Variants in TMEM131 observed in about 807,000 individuals in gnomAD.
The protein encoded by TMEM131 is 2610524E03Rik.
A neutral mutation model predicts 211.6 loss-of-function variants in TMEM131; 66 were observed. The observed-to-expected ratio is 0.31, with a 90% confidence interval of 0.26 to 0.38. The LOEUF is 0.38. TMEM131 is among the 10% of genes least tolerant of loss of function. TMEM131 has a pLI of 1.00. For synonymous variants in TMEM131, 844 were observed against 841.3 expected (o/e 1.00, Z -0.06); for missense variants, 2,036 against 2,299.3 (o/e 0.89, Z 2.34).
At chr2:97,972,658 A>T (rs1679359926) in intron 1 of TMEM131, among the ~76,000 whole-genome samples, 1 of 152,198 alleles carries the variant, frequency 6.6e-6, no homozygotes, top group Non-Finnish European at 1.5e-5. Flanking sequence ...GCAAAGGGGA[A>T]TTAAGCTCCC....
At chr2:97,775,733 T>C in intron 32 of TMEM131, 110 bp downstream of exon 32, 1 of 1,255,046 alleles carries the variant, frequency 8.0e-7, no homozygotes, top group South Asian at 1.6e-5. Context: ...CATCCTAGAT[T>C]TAAACATTAC....
At chr2:97,975,767 A>C (rs1445328211) in intron 1 of TMEM131, among the ~76,000 whole-genome samples, 1 of 151,084 alleles carries the variant, frequency 6.6e-6, no homozygotes, top group African/African-American at 2.4e-5. Context: ...AACTGATTTT[A>C]TGAGACCAGC....
At chr2:97,772,196 A>C (rs1256456683) in intron 33 of TMEM131, 101 bp downstream of exon 33, 6 of 1,478,840 alleles carry the variant, frequency 4.1e-6, no homozygotes, top group Non-Finnish European at 5.5e-6. Flanking sequence ...AACTCCCCTA[A>C]AAGCCAACCA....
chr2:97,879,886 G>T (rs984116944), intron 4 of TMEM131, among the ~76,000 whole-genome samples: 2 of 152,176 alleles, frequency 1.3e-5, no homozygotes, highest in Non-Finnish European at 2.9e-5. Context: ...GGAGTCAAAA[G>T]TTACATGTGA....
intron 33 of TMEM131, among the ~76,000 whole-genome samples, chr2:97,767,430 G>C (rs2121271): frequency 0.27 from 41,330 of 152,088 alleles, 6,161 homozygotes; most frequent in Middle Eastern, 0.36. Flanking sequence ...GGGCTACAAA[G>C]GCATTCTTTA....
At position 97,954,742 on chromosome 2, in the gene TMEM131, G is replaced by A. The variant is rs180716656; in HGVS notation, c.188-27255C>T. Reference sequence around the variant, plus strand: ...AATTGCTTGAACCCGGGAGGCAGAGGTTGCAGTCAGCTGAGATCACGGCAT... The same window carrying A: ...AATTGCTTGAACCCGGGAGGCAGAGATTGCAGTCAGCTGAGATCACGGCAT... On this transcript the variant is annotated intron_variant, in intron 1 of 40. Transcript: ENST00000186436. Among the ~76,000 whole-genome samples, 697 of 138,552 alleles carry A rather than the reference G, an allele frequency of 5.0e-3. 5 individuals are homozygous for A. Among genetic ancestry groups the A allele is most frequent in the South Asian group, 0.018 (78 of 4,420 alleles). The allele number at this position is 138,552 out of a possible 152,430, so 90.9% of individuals were successfully genotyped here. A position where few individuals can be genotyped will look rare whatever the true frequency, so the allele number is the denominator to read the frequency against.
intron 5 of TMEM131, 103 bp from the exon 6 acceptor site, chr2:97,844,364 C>CT: frequency 2.6e-6 from 1 of 390,436 alleles, no homozygotes; most frequent in Non-Finnish European, 4.7e-6. Context: ...CTAGTTTTTC[C>CT]TTTAAAAGTT....
intron 10 of TMEM131, among the ~76,000 whole-genome samples, chr2:97,833,658 T>A (rs1682813139): frequency 6.6e-6 from 1 of 150,892 alleles, no homozygotes; most frequent in African/African-American, 2.4e-5. Flanking sequence ...TATATACTTT[T>A]TTTTTTTTTT....
intron 1 of TMEM131, among the ~76,000 whole-genome samples, chr2:97,945,076 A>C (rs1677969992): frequency 6.6e-6 from 1 of 152,244 alleles, no homozygotes; most frequent in Non-Finnish European, 1.5e-5. Context: ...ATGTCCACTG[A>C]CTAATGAGCA....
intron 31 of TMEM131, among the ~76,000 whole-genome samples, chr2:97,780,207 A>C (rs903956387): frequency 6.6e-6 from 1 of 152,318 alleles, no homozygotes; most frequent in African/African-American, 2.4e-5. Context: ...TCTCTGGTGG[A>C]TAGGTGCTGT....
chr2:97,853,977 G>C (rs1673737599), intron 5 of TMEM131, among the ~76,000 whole-genome samples: 2 of 152,230 alleles, frequency 1.3e-5, no homozygotes, highest in Admixed American at 1.3e-4. Context: ...GGCAGGGTTT[G>C]AAAGGATTGA....
chr2:97,918,181 C>T (rs1023703652), intron 2 of TMEM131, among the ~76,000 whole-genome samples: 2 of 151,954 alleles, frequency 1.3e-5, no homozygotes, highest in East Asian at 1.9e-4. Context: ...TGACCACAGG[C>T]GATCCACCGG....
chr2:97,885,259 G>A (rs907091031), intron 4 of TMEM131, among the ~76,000 whole-genome samples: 10 of 146,208 alleles, frequency 6.8e-5, no homozygotes, highest in African/African-American at 1.6e-4. Context: ...GGGCAGTGGC[G>A]CGATCTCCGC....
chr2:97,802,893 G>C (rs1006475812), intron 22 of TMEM131, 103 bp from the exon 23 acceptor site: 31 of 994,274 alleles, frequency 3.1e-5, no homozygotes, highest in Non-Finnish European at 3.9e-5. Context: ...TTTTTTGCTG[G>C]CCCTGAAAAA....
At chr2:97,921,107 T>C (rs1243502799) in intron 2 of TMEM131, among the ~76,000 whole-genome samples, 1 of 152,004 alleles carries the variant, frequency 6.6e-6, no homozygotes, top group Admixed American at 6.6e-5. Context: ...CTACCAAATA[T>C]CAAAACTTTA....
intron 39 of TMEM131, 55 bp downstream of exon 39, chr2:97,759,597 C>T (rs1468475875): frequency 3.5e-6 from 5 of 1,433,906 alleles, no homozygotes; most frequent in Non-Finnish European, 3.9e-6. Context: ...CACACCTCCT[C>T]TCCCTTCCTC....
At chr2:97,834,988 T>C (rs1019215745) in intron 8 of TMEM131, 63 bp from the exon 9 acceptor site, 1 of 1,566,392 alleles carries the variant, frequency 6.4e-7, no homozygotes. Context: ...CACCATTTTT[T>C]ATTGAACTGG....
At chr2:97,844,323 T>A in intron 5 of TMEM131, 62 bp from the exon 6 acceptor site, 1 of 503,478 alleles carries the variant, frequency 2.0e-6, no homozygotes, top group Non-Finnish European at 3.2e-6. Flanking sequence ...TCAAGTTCCT[T>A]AAACAAGTTT....
intron 1 of TMEM131, among the ~76,000 whole-genome samples, chr2:97,954,530 C>A (rs189851794): frequency 6.6e-6 from 1 of 152,138 alleles, no homozygotes; most frequent in African/African-American, 2.4e-5. Context: ...CTCAGCCGGG[C>A]GCAGTGGCTC....
Sources: gnomAD v4.1 joint callset for allele counts (sites outside exome capture counted in the v4.1 genomes callset) on GRCh38, gnomAD v4.1.1 for gene constraint, MANE v1.5 for transcripts, NCBI Gene and HGNC (gene_info 2026-07-23, HGNC 2026-07-21) for gene names.